The following TMEM178A variants were observed in gnomAD, a reference collection of about 807,000 sequenced individuals.
TMEM178A encodes the protein transmembrane protein 178.
TMEM178A carries 12 observed loss-of-function variants against 29.1 expected under a neutral mutation model. That is an observed-to-expected ratio of 0.41 (90% CI 0.26 to 0.67). TMEM178A has a LOEUF of 0.67. Ranked by LOEUF, TMEM178A falls within the 30% of genes least tolerant of loss-of-function variation. The probability of loss-of-function intolerance (pLI) is 0.29; values close to 1 mark genes in which losing one functional copy is unlikely to be tolerated. For synonymous variants in TMEM178A, 210 were observed against 187.2 expected, an observed-to-expected ratio of 1.12 and a Z score of -0.99; for missense variants, 366 against 419.1, an observed-to-expected ratio of 0.87 and a Z score of 1.11.
intron 3 of TMEM178A, among the ~76,000 whole-genome samples, chr2:39,707,657 G>A (rs1347129529): frequency 6.6e-6 from 1 of 151,942 alleles, no homozygotes; most frequent in Admixed American, 6.6e-5. Context: ...TTTTTAGTAG[G>A]GTTTCACCAT....
At chr2:39,679,738 G>C (rs948021693) in intron 1 of TMEM178A, among the ~76,000 whole-genome samples, 3 of 151,942 alleles carry the variant, frequency 2.0e-5, no homozygotes, top group Non-Finnish European at 4.4e-5. Flanking sequence ...TTTCTGTTTT[G>C]GTTTATTAAA....
the TMEM178A span, among the ~76,000 whole-genome samples, chr2:39,724,173 C>A: frequency 2.6e-5 from 4 of 152,088 alleles, no homozygotes; most frequent in Non-Finnish European, 5.9e-5. Flanking sequence ...TCCCGTGTTA[C>A]TAGGGCTGCT....
intron 1 of TMEM178A, among the ~76,000 whole-genome samples, chr2:39,671,182 A>C (rs1228619512): frequency 6.6e-6 from 1 of 152,206 alleles, no homozygotes; most frequent in Non-Finnish European, 1.5e-5. Context: ...CTCTATAAGA[A>C]AAGCAAAGTA....
chr2:39,704,538 C>A (rs1237532029), intron 2 of TMEM178A, among the ~76,000 whole-genome samples: 1 of 152,100 alleles, frequency 6.6e-6, no homozygotes, highest in Non-Finnish European at 1.5e-5. Flanking sequence ...ACCTTAGGGG[C>A]TCTTATTTTT....
intron 1 of TMEM178A, among the ~76,000 whole-genome samples, chr2:39,686,911 TGGG>T (rs940334782): frequency 1.3e-5 from 2 of 151,570 alleles, no homozygotes; most frequent in African/African-American, 2.4e-5. Flanking sequence ...GGAAATGTTT[TGGG>T]GGCCTGAGAT....
At chr2:39,716,113 C>T (rs912042761) in intron 3 of TMEM178A, among the ~76,000 whole-genome samples, 7 of 152,212 alleles carry the variant, frequency 4.6e-5, no homozygotes, top group African/African-American at 1.7e-4. Context: ...CAGAACTGGA[C>T]ATTCTGATAC....
At chr2:39,709,775 G>C (rs1046328730) in intron 3 of TMEM178A, among the ~76,000 whole-genome samples, 1 of 152,194 alleles carries the variant, frequency 6.6e-6, no homozygotes, top group African/African-American at 2.4e-5. Context: ...CACTCCCCTT[G>C]TCAGGAAAAT....
chr2:39,711,052 G>A (rs972382727), intron 3 of TMEM178A, among the ~76,000 whole-genome samples: 3 of 152,180 alleles, frequency 2.0e-5, no homozygotes, highest in Admixed American at 2.0e-4. Flanking sequence ...GGCCCTCCCA[G>A]AGAGCCAGGG....
intron 1 of TMEM178A, among the ~76,000 whole-genome samples, chr2:39,677,055 T>C (rs2716686): frequency 0.54 from 81,662 of 151,952 alleles, 23,558 homozygotes; most frequent in East Asian, 0.87. Flanking sequence ...TTAATGTACT[T>C]TAAGATCAGA....
At chr2:39,689,094 G>A (rs1025680637) in intron 1 of TMEM178A, among the ~76,000 whole-genome samples, 5 of 152,132 alleles carry the variant, frequency 3.3e-5, no homozygotes, top group Admixed American at 2.6e-4. Flanking sequence ...TTGATCCAGA[G>A]TTCATTTTCA....
downstream of TMEM178A, among the ~76,000 whole-genome samples, chr2:39,718,888 G>A (rs751097078): frequency 5.9e-5 from 9 of 152,132 alleles, no homozygotes; most frequent in Non-Finnish European, 2.9e-5. Flanking sequence ...TCCAGAATAT[G>A]CTGTTTCAGA....
At chr2:39,683,768 T>C (rs1257987313) in intron 1 of TMEM178A, among the ~76,000 whole-genome samples, 1 of 152,222 alleles carries the variant, frequency 6.6e-6, no homozygotes, top group Admixed American at 6.5e-5. Context: ...TGGATGAGGA[T>C]GGGCACAGTG....
intron 1 of TMEM178A, among the ~76,000 whole-genome samples, chr2:39,701,902 GTCATGTTGCTAATAT>G (rs1453115646): frequency 2.0e-5 from 3 of 151,860 alleles, no homozygotes; most frequent in African/African-American, 7.3e-5. Flanking sequence ...GAATATTTCT[GTCATGTTGCTAATAT>G]TCTCTATTTA....
In TMEM178A at chr2:39,666,227, G is replaced by T. The variant is rs1242729507; in HGVS notation, c.253G>T (p.Ala85Ser). 1.5e-6 allele frequency: 2 copies of T among 1,346,500 alleles called. No homozygotes were observed. Among genetic ancestry groups the T allele is most frequent in the South Asian group, 1.9e-5 (1 of 52,148 alleles). 83.4% of individuals were successfully genotyped at this position (1,346,500 alleles called of 1,614,324 possible). A position where few individuals can be genotyped will look rare whatever the true frequency, so the allele number is the denominator to read the frequency against. ...GCTGCTCCCGGGCGGCCCGGGGCGC[G>T]CCGACCCCGAGTCCTGGCGCTCGCT... ...RRLLPGGPGR[A>S]DPESWRSLLG... The change falls in exon 1 of 4, where the codon GCC (alanine) becomes TCC (serine). Residue 85 changes from alanine (A) to serine (S), a missense_variant. By Grantham distance (99) the Ala-to-Ser change is moderately conservative. Coordinates refer to ENST00000281961, the MANE Select transcript of TMEM178A (RefSeq NM_152390.3).
intron 1 of TMEM178A, among the ~76,000 whole-genome samples, chr2:39,673,064 T>C (rs1670470271): frequency 6.6e-6 from 1 of 152,230 alleles, no homozygotes; most frequent in Admixed American, 6.5e-5. Context: ...ATAATCAGCT[T>C]ATAATTACAG....
intron 1 of TMEM178A, among the ~76,000 whole-genome samples, chr2:39,669,972 A>C (rs1220972547): frequency 2.0e-5 from 3 of 152,244 alleles, no homozygotes; most frequent in African/African-American, 7.2e-5. Context: ...TGAGTTGGTC[A>C]GTTGACTCTA....
chr2:39,689,118 C>T (rs1671206008), intron 1 of TMEM178A, among the ~76,000 whole-genome samples: 1 of 152,172 alleles, frequency 6.6e-6, no homozygotes, highest in Non-Finnish European at 1.5e-5. Flanking sequence ...AGGAAACAAA[C>T]TTTTGAAAGT....
chr2:39,720,957 G>T (rs1672692160), downstream of TMEM178A, among the ~76,000 whole-genome samples: 1 of 152,150 alleles, frequency 6.6e-6, no homozygotes, highest in African/African-American at 2.4e-5. Context: ...TTATTTGATG[G>T]CTCAAACATT....
At chr2:39,720,593 G>T (rs1672683980), downstream of TMEM178A, among the ~76,000 whole-genome samples, 2 of 152,174 alleles carry the variant, frequency 1.3e-5, no homozygotes, top group Admixed American at 1.3e-4. Context: ...CTCCGCACAT[G>T]AATTGCCTGG....
Sources: gnomAD v4.1 joint callset for allele counts (sites outside exome capture counted in the v4.1 genomes callset) on GRCh38, gnomAD v4.1.1 for gene constraint, MANE v1.5 for transcripts, NCBI Gene and HGNC (gene_info 2026-07-23, HGNC 2026-07-21) for gene names.